Variants in EYS observed in about 807,000 individuals in gnomAD.
EYS encodes EGF-like photoreceptor maintenance factor.
Under a neutral mutation model 282.1 loss-of-function variants are expected in EYS, and 250 were observed. The ratio of observed to expected loss-of-function variants is 0.89; its 90% CI spans 0.80 to 0.98. The LOEUF is 0.98. Ranked by LOEUF, EYS falls within the 50% of genes least tolerant of loss-of-function variation. The pLI, the probability that EYS is intolerant of heterozygous loss-of-function variation, is 0.00. For synonymous variants in EYS, 1,355 were observed against 1,282.9 expected (o/e 1.06, Z -1.20); for missense variants, 4,016 against 3,709.0 (o/e 1.08, Z -2.15).
chr6:64,140,711 C>T (rs1774313404), intron 31 of EYS, among the ~76,000 whole-genome samples: 1 of 152,136 alleles, frequency 6.6e-6, no homozygotes, highest in African/African-American at 2.4e-5. Context: ...GGCTCTCTCA[C>T]TATAGGTTTT....
intron 19 of EYS, among the ~76,000 whole-genome samples, chr6:64,844,589 C>G (rs947384531): frequency 6.6e-6 from 1 of 151,950 alleles, no homozygotes; most frequent in South Asian, 2.1e-4. Context: ...CCTACTAGTT[C>G]TAAGTGAATT....
intron 19 of EYS, among the ~76,000 whole-genome samples, chr6:64,842,103 A>T (rs1337863964): frequency 6.6e-6 from 1 of 152,058 alleles, no homozygotes; most frequent in Non-Finnish European, 1.5e-5. Context: ...ACTCTCTATC[A>T]GTAAAACTAA....
intron 22 of EYS, among the ~76,000 whole-genome samples, chr6:64,791,172 T>G (rs1644315087): frequency 1.3e-5 from 2 of 151,880 alleles, no homozygotes; most frequent in Non-Finnish European, 3.0e-5. Flanking sequence ...TCCAATCCAT[T>G]TTAGCCTCAG....
intron 36 of EYS, among the ~76,000 whole-genome samples, chr6:63,813,004 G>T (rs2149682196): frequency 6.6e-6 from 1 of 151,914 alleles, no homozygotes; most frequent in East Asian, 1.9e-4. Flanking sequence ...TTTGAGGCAG[G>T]GTCTCATTCT....
intron 2 of EYS, among the ~76,000 whole-genome samples, chr6:65,593,749 C>T (rs143701025): frequency 2.1e-4 from 32 of 151,926 alleles, no homozygotes; most frequent in African/African-American, 7.2e-4. Flanking sequence ...GTCATTAGTA[C>T]TCTAATTATA....
At chr6:65,613,793 G>T (rs1431797620) in intron 2 of EYS, among the ~76,000 whole-genome samples, 1 of 151,650 alleles carries the variant, frequency 6.6e-6, no homozygotes, top group African/African-American at 2.4e-5. Flanking sequence ...CACTACCTCG[G>T]TCTTCACATA....
intron 31 of EYS, among the ~76,000 whole-genome samples, chr6:64,167,293 A>G (rs1764320007): frequency 6.6e-6 from 1 of 152,212 alleles, no homozygotes; most frequent in African/African-American, 2.4e-5. Context: ...AAAATGATGG[A>G]CTTTTTGAGT....
At chr6:65,705,837 T>G (rs1769859580) in intron 1 of EYS, among the ~76,000 whole-genome samples, 1 of 152,104 alleles carries the variant, frequency 6.6e-6, no homozygotes, top group Non-Finnish European at 1.5e-5. Flanking sequence ...AGTTAAAAAC[T>G]GAGAATTATT....
In EYS at chr6:64,591,372, C is replaced by T. The variant is rs540254730; in HGVS notation, c.4495G>A (p.Val1499Ile). 2 of 1,551,226 alleles carry T rather than the reference C, an allele frequency of 1.3e-6. No individual in the cohort carries two copies. Among genetic ancestry groups the T allele is most frequent in the Admixed American group, 3.9e-5 (2 of 50,940 alleles). ...ATGGTTACCTGTTTAGATATAATTA[C>T]CTTAGCAGGAAAAATGGGAGACATC... ...PSMSPIFPAK[V>I]IISKQVTILN... The change falls in exon 26 of 43, where the codon GTA (valine) becomes ATA (isoleucine). Residue 1499 changes from valine to isoleucine, a missense_variant. By Grantham distance (29) the Val-to-Ile change is conservative. Transcript: ENST00000503581.
chr6:64,091,982 T>C (rs1196387263), intron 31 of EYS, among the ~76,000 whole-genome samples: 1 of 152,148 alleles, frequency 6.6e-6, no homozygotes, highest in African/African-American at 2.4e-5. Context: ...TTCCCACCTA[T>C]GGGTGAGAAC....
intron 33 of EYS, among the ~76,000 whole-genome samples, chr6:64,028,089 C>A (rs1450293985): frequency 6.6e-6 from 1 of 152,190 alleles, no homozygotes; most frequent in Non-Finnish European, 1.5e-5. Flanking sequence ...AAGTCCCACA[C>A]CCTTATTAGG....
chr6:65,007,400 A>G (rs1025833339), intron 13 of EYS, among the ~76,000 whole-genome samples: 17 of 152,168 alleles, frequency 1.1e-4, no homozygotes, highest in African/African-American at 3.9e-4. Flanking sequence ...CTTCTGCAGT[A>G]CCGCCTGGCC....
chr6:64,041,002 CAAGAG>C (rs1230178759), intron 33 of EYS, among the ~76,000 whole-genome samples: 1 of 152,114 alleles, frequency 6.6e-6, no homozygotes, highest in Non-Finnish European at 1.5e-5. Flanking sequence ...AGAATAGACT[CAAGAG>C]AAGGTATTCA....
At chr6:64,459,289 T>C (rs1325086141) in intron 26 of EYS, among the ~76,000 whole-genome samples, 1 of 152,222 alleles carries the variant, frequency 6.6e-6, no homozygotes, top group Admixed American at 6.5e-5. Context: ...TGGAAGTCTA[T>C]GCACTATTTA....
At chr6:65,202,114 A>C (rs539562364) in intron 12 of EYS, among the ~76,000 whole-genome samples, 24 of 152,078 alleles carry the variant, frequency 1.6e-4, no homozygotes, top group Admixed American at 9.8e-4. Flanking sequence ...TCCATCTAAA[A>C]AAAAAAAATG....
chr6:64,074,391 C>G (rs2149862211), intron 32 of EYS, among the ~76,000 whole-genome samples: 1 of 151,216 alleles, frequency 6.6e-6, no homozygotes, highest in Non-Finnish European at 1.5e-5. Context: ...CAATGATATT[C>G]TAGTCACCTA....
chr6:65,241,765 A>T (rs2150276257), intron 12 of EYS, among the ~76,000 whole-genome samples: 1 of 152,160 alleles, frequency 6.6e-6, no homozygotes, highest in Non-Finnish European at 1.5e-5. Flanking sequence ...ATATGTGATT[A>T]TCTAACCTTG....
chr6:64,858,046 G>T (rs762210007), intron 19 of EYS, among the ~76,000 whole-genome samples: 5 of 151,936 alleles, frequency 3.3e-5, no homozygotes, highest in African/African-American at 7.2e-5. Flanking sequence ...CATTCTTTGG[G>T]TTGCCTCTTC....
At chr6:65,439,834 A>T (rs928032956) in intron 5 of EYS, among the ~76,000 whole-genome samples, 11 of 152,094 alleles carry the variant, frequency 7.2e-5, no homozygotes, top group Non-Finnish European at 1.2e-4. Context: ...ACAAACATTC[A>T]TAGACATAAA....
Sources: allele counts gnomAD v4.1 joint callset (sites outside exome capture counted in the v4.1 genomes callset), GRCh38; gene constraint gnomAD v4.1.1; transcripts MANE v1.5; gene names NCBI Gene and HGNC (gene_info 2026-07-23, HGNC 2026-07-21).